The following RSPH9 variants were observed in gnomAD, a reference collection of about 807,000 sequenced individuals.
RSPH9 encodes radial spoke head component 9.
RSPH9 carries 27 observed loss-of-function variants against 27.0 expected under a neutral mutation model. The ratio of observed to expected loss-of-function variants is 1.00; its 90% CI spans 0.74 to 1.38. The LOEUF is 1.38. Among genes scored for constraint, RSPH9 ranks in the 40% most tolerant of loss-of-function variants. The pLI is 0.00. For missense variants in RSPH9, 347 were observed against 357.4 expected, an observed-to-expected ratio of 0.97 and a Z score of 0.24; for synonymous variants, 145 against 147.7, an observed-to-expected ratio of 0.98 and a Z score of 0.13.
At chr6:43,650,312 A>G in intron 1 of RSPH9, 63 bp from the exon 2 acceptor site, 1 of 1,587,150 alleles carries the variant, frequency 6.3e-7, no homozygotes, top group Non-Finnish European at 8.6e-7. Context: ...AGAAGGGAAG[A>G]TAATAGGAAT....
chr6:43,660,971 A>G lies in RSPH9; in HGVS notation c.670+4248A>G, dbSNP rs979545018. Among the ~76,000 whole-genome samples, 11 of 152,218 alleles carry G rather than the reference A, an allele frequency of 7.2e-5. 1 individual carries two copies. The East Asian group carries it at 1.7e-3, about 24-fold the overall frequency. On this transcript the variant is annotated intron_variant, in intron 4 of 4. Transcript: ENST00000372163. Reference sequence around the variant, plus strand: ...TTGTGTTAGCAGGCAGGAAAACAACATTAATCTCGTTGTACATCTCCATCA... The same window carrying G: ...TTGTGTTAGCAGGCAGGAAAACAACGTTAATCTCGTTGTACATCTCCATCA...
At chr6:43,668,463 C>T (rs957934374) in intron 4 of RSPH9, among the ~76,000 whole-genome samples, 4 of 152,056 alleles carry the variant, frequency 2.6e-5, no homozygotes, top group African/African-American at 7.2e-5. Context: ...CCCTGCCAGG[C>T]GGGGGCACTG....
chr6:43,650,887 AGAGT>A (rs1274739257), intron 2 of RSPH9, among the ~76,000 whole-genome samples: 1 of 150,310 alleles, frequency 6.7e-6, no homozygotes, highest in African/African-American at 2.5e-5. Flanking sequence ...CCTGGGCAAC[AGAGT>A]GAGACCCTGT....
intron 4 of RSPH9, among the ~76,000 whole-genome samples, chr6:43,668,274 A>C (rs949504106): frequency 9.2e-5 from 14 of 152,148 alleles, no homozygotes; most frequent in Non-Finnish European, 1.6e-4. Flanking sequence ...CTTCAGGTAG[A>C]TGCTACGTGA....
intron 4 of RSPH9, among the ~76,000 whole-genome samples, chr6:43,658,965 G>A (rs1267339372): frequency 6.6e-6 from 1 of 152,164 alleles, no homozygotes; most frequent in Non-Finnish European, 1.5e-5. Context: ...GGGATTACAG[G>A]TCTGAGCCAC....
At chr6:43,645,681 G>A (rs577125421) in intron 1 of RSPH9, among the ~76,000 whole-genome samples, 1 of 152,256 alleles carries the variant, frequency 6.6e-6, no homozygotes, top group African/African-American at 2.4e-5. Flanking sequence ...AAGAGAGACA[G>A]GGCCAAGAAC....
At position 43,671,863 on chromosome 6, in the gene RSPH9, T is replaced by C; in HGVS notation, c.*914T>C. ...ACCCTGTTCCAGCGGGGGCCTTTTTTGTAGATGGGCTTGACGGAGCCAGGA... is the reference window on the plus strand; with the variant it reads ...ACCCTGTTCCAGCGGGGGCCTTTTTCGTAGATGGGCTTGACGGAGCCAGGA... On this transcript the variant is annotated 3_prime_UTR_variant, in exon 5 of 5. Transcript: ENST00000372163. 2 of 1,613,938 alleles carry C rather than the reference T, an allele frequency of 1.2e-6. No homozygotes were observed. Among genetic ancestry groups the C allele is most frequent in the Non-Finnish European group, 1.7e-6 (2 of 1,179,898 alleles).
At chr6:43,647,488 A>G (rs1346626418) in intron 1 of RSPH9, among the ~76,000 whole-genome samples, 1 of 152,202 alleles carries the variant, frequency 6.6e-6, no homozygotes, top group Non-Finnish European at 1.5e-5. Context: ...GGTTGGAAAG[A>G]TTTAAGTGCT....
intron 4 of RSPH9, among the ~76,000 whole-genome samples, chr6:43,669,648 C>T (rs2127934960): frequency 6.6e-6 from 1 of 152,368 alleles, no homozygotes; most frequent in South Asian, 2.1e-4. Context: ...GCCTTTCTGG[C>T]AGGGCCTGGA....
chr6:43,645,156 C>T lies in RSPH9; in HGVS notation c.58C>T (p.Leu20Phe), dbSNP rs1183750939. Residue 20 changes from leucine (L) to phenylalanine (F), a missense_variant, in exon 1 of 5, where the codon CTC becomes TTC. Transcript: ENST00000372163. Reference sequence around the variant, plus strand: ...GCTGGCGTCCGGCAGTGGGCAGGGCCTCAGCCCGGACCGTCGGGCCTCGCT... The same window carrying T: ...GCTGGCGTCCGGCAGTGGGCAGGGCTTCAGCCCGGACCGTCGGGCCTCGCT... ...LELASGSGQG[L>F]SPDRRASLLT... The T allele has an allele frequency of 3.1e-6, 5 of 1,613,436 alleles. No individual in the cohort carries two copies. Among genetic ancestry groups the T allele is most frequent in the South Asian group, 2.2e-5 (2 of 91,094 alleles).
rs1303730327 is a variant in RSPH9, at chr6:43,645,077, G to A, written c.-22G>A. On this transcript the variant is annotated 5_prime_UTR_variant, in exon 1 of 5. Coordinates refer to ENST00000372163, the MANE Select transcript of RSPH9 (RefSeq NM_152732.5). Reference sequence around the variant, plus strand: ...GGCTTCTCCTAGCAACTCGACGGGCGTTGAGCGGAGCCGCTGACCTGATGG... The same window carrying A: ...GGCTTCTCCTAGCAACTCGACGGGCATTGAGCGGAGCCGCTGACCTGATGG... The A allele has an allele frequency of 3.1e-6, 5 of 1,604,156 alleles. No individual in the cohort carries two copies. In the African/African-American group the frequency reaches 4.0e-5, roughly 13 times the overall value.
intron 4 of RSPH9, among the ~76,000 whole-genome samples, chr6:43,662,794 T>A (rs1772765934): frequency 6.6e-6 from 1 of 152,090 alleles, no homozygotes; most frequent in African/African-American, 2.4e-5. Context: ...CCTATCTCAA[T>A]TTTTTTTATT....
At chr6:43,654,935 C>T (rs1168937339) in intron 2 of RSPH9, among the ~76,000 whole-genome samples, 3 of 152,164 alleles carry the variant, frequency 2.0e-5, no homozygotes, top group Non-Finnish European at 4.4e-5. Context: ...ATCATCTGAG[C>T]CTGGGAAGTT....
intron 2 of RSPH9, 51 bp from the exon 3 acceptor site, chr6:43,655,511 G>A: frequency 1.2e-6 from 2 of 1,610,756 alleles, no homozygotes; most frequent in South Asian, 2.2e-5. Flanking sequence ...CTTGCGCCGG[G>A]GTGCCTGGGC....
chr6:43,660,039 C>CTTTTT (rs1163299257), intron 4 of RSPH9, among the ~76,000 whole-genome samples: 9 of 109,348 alleles, frequency 8.2e-5, no homozygotes, highest in Non-Finnish European at 1.5e-4. Flanking sequence ...CCAGCCTGGC[C>CTTTTT]TTTTTTTTTT....
In RSPH9 at chr6:43,666,448, A is replaced by G. The variant is rs187065450; in HGVS notation, c.671-4341A>G. 12 of 1,550,452 alleles carry G rather than the reference A, an allele frequency of 7.7e-6. No homozygotes were observed. The East Asian group carries it at 2.4e-4, about 32-fold the overall frequency. Reference sequence around the variant, plus strand: ...GGGTCTGAGGCAGTTGTTCAGGGTGACTTCACGTGGCTTCTGAGCAGGTGT... The same window carrying G: ...GGGTCTGAGGCAGTTGTTCAGGGTGGCTTCACGTGGCTTCTGAGCAGGTGT... On this transcript the variant is annotated intron_variant, in intron 4 of 4. Coordinates refer to ENST00000372163, the MANE Select transcript of RSPH9 (RefSeq NM_152732.5).
chr6:43,658,597 G>A (rs553839135), intron 4 of RSPH9, among the ~76,000 whole-genome samples: 1 of 152,300 alleles, frequency 6.6e-6, no homozygotes, highest in East Asian at 1.9e-4. Context: ...CTGGAGTGCA[G>A]TGGCGCAATC....
chr6:43,665,094 T>TG (rs1372897585), intron 4 of RSPH9, among the ~76,000 whole-genome samples: 1 of 152,204 alleles, frequency 6.6e-6, no homozygotes, highest in Non-Finnish European at 1.5e-5. Context: ...TGAGAGGGGC[T>TG]GGTGCAGTAG....
chr6:43,656,594 G>A lies in RSPH9; in HGVS notation c.541G>A (p.Ala181Thr), dbSNP rs1772072308. The A allele has an allele frequency of 1.2e-6, 2 of 1,614,066 alleles. No homozygotes were observed. Among genetic ancestry groups the A allele is most frequent in the South Asian group, 2.2e-5 (2 of 91,086 alleles). Residue 181 changes from alanine to threonine, a missense_variant, in exon 4 of 5, where the codon GCC becomes ACC. By Grantham distance (58) the Ala-to-Thr change is moderately conservative. Coordinates refer to ENST00000372163, the MANE Select transcript of RSPH9 (RefSeq NM_152732.5). ...RTFEGLSLSEAKKLSSYFHFR... is the reference protein window; with the variant it reads ...RTFEGLSLSETKKLSSYFHFR... ...CTTTCTAGGACTGTCCTTGTCTGAG[G>A]CCAAGAAGCTCAGCTCCTACTTCCA...
Sources: allele counts gnomAD v4.1 joint callset (sites outside exome capture counted in the v4.1 genomes callset), GRCh38; gene constraint gnomAD v4.1.1; transcripts MANE v1.5; gene names NCBI Gene and HGNC (gene_info 2026-07-23, HGNC 2026-07-21).